Variants in NSRP1 observed in about 807,000 individuals in gnomAD.
The protein encoded by NSRP1 is coiled-coil domain containing 55.
NSRP1 carries 24 observed loss-of-function variants against 54.7 expected under a neutral mutation model. The ratio of observed to expected loss-of-function variants is 0.44; its 90% CI spans 0.32 to 0.62. NSRP1 has a LOEUF of 0.62. Ranked by LOEUF, NSRP1 falls within the 20% of genes least tolerant of loss-of-function variation. The probability of loss-of-function intolerance (pLI) is 0.06; values close to 1 mark genes in which losing one functional copy is unlikely to be tolerated. For synonymous variants in NSRP1, 210 were observed against 213.8 expected (o/e 0.98, Z 0.15); for missense variants, 596 against 651.2 (o/e 0.92, Z 0.92).
intron 2 of NSRP1, among the ~76,000 whole-genome samples, chr17:30,158,631 A>T (rs1387860163): frequency 1.5e-5 from 2 of 132,662 alleles, no homozygotes; most frequent in African/African-American, 4.9e-5. Context: ...TTTTGTTTTG[A>T]TTTTTTATAT....
intron 2 of NSRP1, among the ~76,000 whole-genome samples, chr17:30,167,332 C>T (rs1322746013): frequency 6.6e-5 from 10 of 152,060 alleles, no homozygotes; most frequent in Admixed American, 1.3e-4. Flanking sequence ...AAGATCTGGC[C>T]GGGCACGGTG....
At chr17:30,177,534 G>GA (rs1905166231) in intron 3 of NSRP1, among the ~76,000 whole-genome samples, 1 of 151,878 alleles carries the variant, frequency 6.6e-6, no homozygotes, top group South Asian at 2.1e-4. Flanking sequence ...TGAAAGAGGA[G>GA]AAAAAAACAT....
chr17:30,167,117 C>T (rs1209507472), intron 2 of NSRP1, among the ~76,000 whole-genome samples: 1 of 152,182 alleles, frequency 6.6e-6, no homozygotes, highest in African/African-American at 2.4e-5. Context: ...TTAGCTCCCA[C>T]ATGGAAGTGA....
chr17:30,138,198 C>T (rs2071767045), intron 2 of NSRP1, among the ~76,000 whole-genome samples: 1 of 152,216 alleles, frequency 6.6e-6, no homozygotes, highest in Non-Finnish European at 1.5e-5. Flanking sequence ...ATTTTCTTCT[C>T]CATTGTATAT....
At position 30,185,057 on chromosome 17, in the gene NSRP1, T is replaced by C. The variant is rs1377848780; in HGVS notation, c.1060T>C (p.Ser354Pro). ...GCACAGAGAGGCCAGTCATAGAGAT[T>C]CCCATTGGAAGAGGCATGAACAGGA... Reference protein sequence around the residue: ...HRHREASHRDSHWKRHEQEDK... With the variant: ...HRHREASHRDPHWKRHEQEDK... The change falls in exon 7 of 7, where the codon TCC (serine) becomes CCC (proline). Residue 354 changes from serine to proline, a missense_variant. Coordinates refer to ENST00000247026, the MANE Select transcript of NSRP1 (RefSeq NM_032141.4). 9 of 1,613,700 alleles carry C rather than the reference T, an allele frequency of 5.6e-6. No homozygotes were observed. Among genetic ancestry groups the C allele is most frequent in the Non-Finnish European group, 7.6e-6 (9 of 1,179,976 alleles).
At chr17:30,173,407 A>G (rs937054292) in intron 3 of NSRP1, among the ~76,000 whole-genome samples, 1 of 152,232 alleles carries the variant, frequency 6.6e-6, no homozygotes, top group Admixed American at 6.5e-5. Flanking sequence ...CATACTATTA[A>G]TTATCGAACT....
At chr17:30,175,742 G>A (rs1440543020) in intron 3 of NSRP1, among the ~76,000 whole-genome samples, 1 of 152,124 alleles carries the variant, frequency 6.6e-6, no homozygotes, top group East Asian at 1.9e-4. Context: ...ACACTGCACT[G>A]TATTGTTTCA....
chr17:30,152,903 C>CTTTTT (rs60246615), intron 2 of NSRP1, among the ~76,000 whole-genome samples: 12 of 46,914 alleles, frequency 2.6e-4, no homozygotes, highest in South Asian at 1.3e-3. Flanking sequence ...TTATTTTCAG[C>CTTTTT]TTTTTTTTTT....
intron 5 of NSRP1, 137 bp downstream of exon 5, chr17:30,179,434 G>C: frequency 1.5e-6 from 2 of 1,324,466 alleles, no homozygotes; most frequent in Non-Finnish European, 2.0e-6. Context: ...CAAGACACAA[G>C]GAATATGGTA....
chr17:30,117,304 A>G, intron 1 of NSRP1: 1 of 581,130 alleles, frequency 1.7e-6, no homozygotes, highest in Non-Finnish European at 3.1e-6. Context: ...CGTTTTAGGA[A>G]TATTGTTCTG....
At chr17:30,182,554 A>G (rs1402981531) in intron 6 of NSRP1, among the ~76,000 whole-genome samples, 4 of 152,184 alleles carry the variant, frequency 2.6e-5, no homozygotes, top group Non-Finnish European at 2.9e-5. Flanking sequence ...AGGCAGGAGA[A>G]TTGCTTAAAC....
At chr17:30,125,328 C>T (rs540585868) in intron 2 of NSRP1, among the ~76,000 whole-genome samples, 1 of 152,270 alleles carries the variant, frequency 6.6e-6, no homozygotes, top group South Asian at 2.1e-4. Flanking sequence ...ATTTCTTATT[C>T]CCCTCCTGAG....
rs533700826 is a variant in NSRP1 at position 30,176,613 on chromosome 17, C to A, written c.172-1458C>A. Among the ~76,000 whole-genome samples the A allele has an allele frequency of 2.0e-4, 24 of 121,116 alleles. 1 individual carries two copies. Among genetic ancestry groups the A allele is most frequent in the Non-Finnish European group, 3.2e-4 (17 of 53,714 alleles). The allele number at this position is 121,116 out of a possible 152,430, so 79.5% of individuals were successfully genotyped here. On this transcript the variant is annotated intron_variant, in intron 3 of 6. Coordinates refer to ENST00000247026, the MANE Select transcript of NSRP1 (RefSeq NM_032141.4). ...CAACAGTGCAAGACTTCGTCCCCCC[C>A]CCCCCAAAAAAAAAACAGCCCTCAG...
chr17:30,132,302 C>T (rs187480635), intron 2 of NSRP1, among the ~76,000 whole-genome samples: 100 of 148,662 alleles, frequency 6.7e-4, no homozygotes, highest in Middle Eastern at 3.7e-3. Context: ...CCTATAATCC[C>T]AGCACTTTGG....
intron 2 of NSRP1, among the ~76,000 whole-genome samples, chr17:30,120,296 TA>T (rs2071585372): frequency 6.6e-6 from 1 of 152,230 alleles, no homozygotes; most frequent in African/African-American, 2.4e-5. Flanking sequence ...TATTTCTTCA[TA>T]AAATATTAGA....
At chr17:30,154,782 A>AT (rs1482579330) in intron 2 of NSRP1, among the ~76,000 whole-genome samples, 1 of 152,048 alleles carries the variant, frequency 6.6e-6, no homozygotes, top group Non-Finnish European at 1.5e-5. Context: ...CAGATTTCAG[A>AT]TTTTTTCAGA....
intron 6 of NSRP1, among the ~76,000 whole-genome samples, chr17:30,183,881 A>G (rs1364217957): frequency 6.6e-6 from 1 of 152,144 alleles, no homozygotes; most frequent in Non-Finnish European, 1.5e-5. Context: ...ATCTTCATGT[A>G]TTTCTAGGAC....
chr17:30,177,129 G>A (rs1252480260), intron 3 of NSRP1, among the ~76,000 whole-genome samples: 2 of 152,142 alleles, frequency 1.3e-5, no homozygotes, highest in Admixed American at 1.3e-4. Context: ...AGCACTTTGG[G>A]GGGCGCTGAG....
intron 2 of NSRP1, among the ~76,000 whole-genome samples, chr17:30,126,907 A>T (rs1422250063): frequency 6.6e-6 from 1 of 152,202 alleles, no homozygotes; most frequent in Non-Finnish European, 1.5e-5. Flanking sequence ...GCTTCTAAAA[A>T]TTAGTAAGAT....
Sources: allele counts gnomAD v4.1 joint callset (sites outside exome capture counted in the v4.1 genomes callset), GRCh38; gene constraint gnomAD v4.1.1; transcripts MANE v1.5; gene names NCBI Gene and HGNC (gene_info 2026-07-23, HGNC 2026-07-21).